PUS1: variants seen among roughly 807,000 people sequenced by gnomAD.
PUS1 encodes the protein pseudouridine synthase 1.
PUS1 carries 25 observed loss-of-function variants against 38.5 expected under a neutral mutation model. That is an observed-to-expected ratio of 0.65 (90% CI 0.47 to 0.91). PUS1 has a LOEUF of 0.91. Among genes scored for constraint, PUS1 ranks in the 40% least tolerant of loss-of-function variants. The probability of loss-of-function intolerance (pLI) is 0.00; values close to 1 mark genes in which losing one functional copy is unlikely to be tolerated. For missense variants in PUS1, 597 were observed against 612.3 expected (o/e 0.97, Z 0.26); for synonymous variants, 282 against 260.4 (o/e 1.08, Z -0.80).
At chr12:131,939,020 C>T (rs1348430745) in intron 3 of PUS1, among the ~76,000 whole-genome samples, 153 bp from the exon 4 acceptor site, 2 of 152,218 alleles carry the variant, frequency 1.3e-5, no homozygotes, top group African/African-American at 4.8e-5. Context: ...GGATTACAGG[C>T]GTGAGCCACT....
rs182708505 is a variant in PUS1, at chr12:131,933,416, C to T, written c.441+1104C>T. ...CGGCGTGTAATCCATATAAAAATCT[C>T]TTCATGGGATAAATGTAATACTGTT... On this transcript the variant is annotated intron_variant, in intron 3 of 5. Coordinates refer to ENST00000376649, the MANE Select transcript of PUS1 (RefSeq NM_025215.6). Among the ~76,000 whole-genome samples, 4 of 152,302 alleles carry T rather than the reference C, an allele frequency of 2.6e-5. No individual in the cohort carries two copies. In the East Asian group the frequency reaches 7.7e-4, roughly 29 times the overall value.
chr12:131,937,469 G>T (rs1470869434), intron 3 of PUS1, among the ~76,000 whole-genome samples: 1 of 152,108 alleles, frequency 6.6e-6, no homozygotes, highest in East Asian at 1.9e-4. Context: ...CCACCTCCCG[G>T]GTTCAAGTGA....
chr12:131,934,340 A>C (rs983302262), intron 3 of PUS1, among the ~76,000 whole-genome samples: 1 of 152,138 alleles, frequency 6.6e-6, no homozygotes, highest in Non-Finnish European at 1.5e-5. Context: ...CGGTCTGTGA[A>C]GTAACAGGTG....
chr12:131,931,254 G>T (rs558593108), intron 2 of PUS1, among the ~76,000 whole-genome samples: 59 of 152,238 alleles, frequency 3.9e-4, no homozygotes, highest in African/African-American at 1.3e-3. Flanking sequence ...CGCCTCCCGG[G>T]TTCCACCGAT....
chr12:131,936,329 G>A (rs1019649795), intron 3 of PUS1, among the ~76,000 whole-genome samples: 7 of 151,512 alleles, frequency 4.6e-5, no homozygotes, highest in South Asian at 4.2e-4. Flanking sequence ...GTGGGAGGCC[G>A]AGGTGGGCGG....
In PUS1 at chr12:131,941,153, C is replaced by A. The variant is rs1467304161; in HGVS notation, c.545-139C>A. 2.3e-5 allele frequency: 17 copies of A among 734,298 alleles called. No homozygotes were observed. Among genetic ancestry groups the A allele is most frequent in the Non-Finnish European group, 3.5e-5 (15 of 427,752 alleles). 45.5% of individuals were successfully genotyped at this position (734,298 alleles called of 1,614,324 possible). A position where few individuals can be genotyped will look rare whatever the true frequency, so the allele number is the denominator to read the frequency against. ...CCCCAGCCTGTGGCTGCCCCCTCCC[C>A]AGAGAAGCCGATGCTTGCTGGAGCT... On this transcript the variant is annotated intron_variant, in intron 4 of 5. Coordinates refer to ENST00000376649, the MANE Select transcript of PUS1 (RefSeq NM_025215.6). The surrounding 1 kb of genome is among the most constrained non-coding windows in gnomAD (Gnocchi z 4.4).
chr12:131,942,111 C>T (rs1032521413), intron 5 of PUS1, 128 bp downstream of exon 5: 41 of 897,562 alleles, frequency 4.6e-5, no homozygotes, highest in Non-Finnish European at 5.2e-6. Flanking sequence ...GCTGCAGGAG[C>T]AGGGGCAGGC....
rs1323596792 is a variant in PUS1 at position 131,929,892 on chromosome 12, C to T, written c.75-15C>T. 4.8e-6 allele frequency: 7 copies of T among 1,465,786 alleles called. No homozygotes were observed. Among genetic ancestry groups the T allele is most frequent in the Non-Finnish European group, 6.3e-6 (7 of 1,115,036 alleles). 90.8% of individuals were successfully genotyped at this position (1,465,786 alleles called of 1,614,324 possible). A position where few individuals can be genotyped will look rare whatever the true frequency, so the allele number is the denominator to read the frequency against. Reference sequence around the variant, plus strand: ...GTGCCGAGCGGGCCCCCGCTCACGCCGCCCTTCTCCGCAGCTCGCCGCGCA... The same window carrying T: ...GTGCCGAGCGGGCCCCCGCTCACGCTGCCCTTCTCCGCAGCTCGCCGCGCA... On this transcript the variant is annotated splice_polypyrimidine_tract_variant and intron_variant, in intron 1 of 5. Coordinates refer to ENST00000376649, the MANE Select transcript of PUS1 (RefSeq NM_025215.6).
chr12:131,941,303 G>A lies in PUS1; in HGVS notation c.556G>A (p.Val186Ile). The A allele has an allele frequency of 6.2e-7, 1 of 1,614,150 alleles. No homozygotes were observed. The highest frequency in any genetic ancestry group is 8.5e-7 in the Non-Finnish European group (1 of 1,180,028). Residue 186 changes from valine (V) to isoleucine (I), a missense_variant, in exon 5 of 6, where the codon GTC (valine) becomes ATC (isoleucine). Val to Ile is a conservative substitution (Grantham distance 29). Transcript: ENST00000376649. This position sits in a 1 kb window ranked among gnomAD's most constrained non-coding sequence, Gnocchi z 4.4. ...CACCTCCCCCCTAGGACTGAAGCGG[G>A]TCACGGGCGGGTTTAACTCCAAGAA... ...SHIRILGLKRVTGGFNSKNRC... is the reference protein window; with the variant it reads ...SHIRILGLKRITGGFNSKNRC...
At chr12:131,936,713 A>C (rs1262874171) in intron 3 of PUS1, among the ~76,000 whole-genome samples, 2 of 152,098 alleles carry the variant, frequency 1.3e-5, no homozygotes, top group South Asian at 2.1e-4. Flanking sequence ...ACATGACAAA[A>C]TCCCATCTCT....
chr12:131,935,463 C>CA (rs1356557817), intron 3 of PUS1, among the ~76,000 whole-genome samples: 2 of 152,116 alleles, frequency 1.3e-5, no homozygotes, highest in Non-Finnish European at 2.9e-5. Context: ...TCCATTAGGC[C>CA]GGCACGGTCA....
At position 131,943,835 on chromosome 12, in the gene PUS1, A is replaced by G. The variant is rs1891191419; in HGVS notation, c.*249A>G. The G allele has an allele frequency of 2.0e-6, 1 of 488,332 alleles. No individual in the cohort carries two copies. Among genetic ancestry groups the G allele is most frequent in the Non-Finnish European group, 3.8e-6 (1 of 266,424 alleles). The allele number at this position is 488,332 out of a possible 1,614,324, so 30.2% of individuals were successfully genotyped here. Reference sequence around the variant, plus strand: ...TTTAAAGAAGTGATTTTCTTATTAAACAAGTACAAATTTTGCTTAGTCAAT... The same window carrying G: ...TTTAAAGAAGTGATTTTCTTATTAAGCAAGTACAAATTTTGCTTAGTCAAT... On this transcript the variant is annotated 3_prime_UTR_variant, in exon 6 of 6. Transcript: ENST00000376649.
At position 131,932,243 on chromosome 12, in the gene PUS1, C is replaced by T. The variant is rs1230309274; in HGVS notation, c.372C>T (p.Gly124=). 6.2e-7 allele frequency: 1 copy of T among 1,613,592 alleles called. No individual in the cohort carries two copies. The highest frequency in any genetic ancestry group is 1.3e-5 in the African/African-American group (1 of 74,932). ...DDLVSALVRS[G]CIPENHGEDM... ...TGGTGTCCGCCCTCGTCCGGTCAGG[C>T]TGTATTCCTGAAAATCATGGTGAGG... The change falls in exon 3 of 6, where the codon GGC becomes GGT. Residue 124 remains glycine, a synonymous_variant. Transcript: ENST00000376649.
rs1459564899 is a variant in PUS1 at position 131,945,880 on chromosome 12, A to G, written c.*2294A>G. The G allele has an allele frequency of 6.6e-6, 1 of 152,234 alleles. No individual in the cohort carries two copies. Among genetic ancestry groups the G allele is most frequent in the Non-Finnish European group, 1.5e-5 (1 of 68,052 alleles). The allele number at this position is 152,234 out of a possible 1,614,324, so 9.4% of individuals were successfully genotyped here. ...TATGTATATATGGAAGGAAATAAAA[A>G]ACTATAAAAAAGGGAAGTTGCCTTT... On this transcript the variant is annotated 3_prime_UTR_variant, in exon 6 of 6. Transcript: ENST00000376649.
intron 3 of PUS1, among the ~76,000 whole-genome samples, chr12:131,935,755 A>T (rs1430442995): frequency 1.3e-5 from 2 of 151,482 alleles, no homozygotes; most frequent in African/African-American, 4.9e-5. Flanking sequence ...CTGGTCTCGA[A>T]CTCCTGACCT....
chr12:131,943,134 T>G (rs930105497), intron 5 of PUS1, among the ~76,000 whole-genome samples: 7 of 152,236 alleles, frequency 4.6e-5, no homozygotes, highest in African/African-American at 1.7e-4. Context: ...AGTTAATTTT[T>G]CCCAAGCCCG....
At chr12:131,942,655 C>T (rs1034186068) in intron 5 of PUS1, among the ~76,000 whole-genome samples, 4 of 152,218 alleles carry the variant, frequency 2.6e-5, no homozygotes, top group African/African-American at 7.2e-5. Context: ...ATCCACCCGC[C>T]TTGGCCTCCC....
At chr12:131,931,374 G>A (rs1290183086) in intron 2 of PUS1, 2 of 152,040 alleles carry the variant, frequency 1.3e-5, no homozygotes, top group Admixed American at 1.3e-4. Context: ...GGTCAGGCTG[G>A]CCTTGAACTC....
rs1159136539 is a variant in PUS1 at position 131,929,879 on chromosome 12, C to T, written c.75-28C>T. 10 of 1,125,038 alleles carry T rather than the reference C, an allele frequency of 8.9e-6. No individual in the cohort carries two copies. The East Asian group carries it at 2.9e-4, about 32-fold the overall frequency. 69.7% of individuals were successfully genotyped at this position (1,125,038 alleles called of 1,614,324 possible). A position where few individuals can be genotyped will look rare whatever the true frequency, so the allele number is the denominator to read the frequency against. On this transcript the variant is annotated intron_variant, in intron 1 of 5. Transcript: ENST00000376649. ...TCCACCCCGCGCGGTGCCGAGCGGG[C>T]CCCCGCTCACGCCGCCCTTCTCCGC...
Sources: allele counts gnomAD v4.1 joint callset (sites outside exome capture counted in the v4.1 genomes callset), GRCh38; gene constraint gnomAD v4.1.1; non-coding constraint Gnocchi (gnomAD v3.1); transcripts MANE v1.5; gene names NCBI Gene and HGNC (gene_info 2026-07-23, HGNC 2026-07-21).